GSE1: variants seen among roughly 807,000 people sequenced by gnomAD.
The protein encoded by GSE1 is Gse1 coiled-coil protein.
A neutral mutation model predicts 112.6 loss-of-function variants in GSE1; 32 were observed. The ratio of observed to expected loss-of-function variants is 0.28; its 90% CI spans 0.21 to 0.38. GSE1 has a LOEUF of 0.38. Ranked by LOEUF, GSE1 falls within the 10% of genes least tolerant of loss-of-function variation. The pLI is 1.00. For missense variants in GSE1, 2,348 were observed against 1,699.2 expected (o/e 1.38, Z -6.71); for synonymous variants, 1,115 against 735.6 (o/e 1.52, Z -8.35).
intron 1 of GSE1, among the ~76,000 whole-genome samples, chr16:85,586,320 C>T (rs1255679617): frequency 6.6e-6 from 1 of 152,252 alleles, no homozygotes; most frequent in Admixed American, 6.5e-5. Context: ...TAGCCCATGA[C>T]ATAGGTGTTG....
chr16:85,360,709 C>T (rs2047051163), intron 2 of GSE1, among the ~76,000 whole-genome samples: 1 of 152,058 alleles, frequency 6.6e-6, no homozygotes, highest in African/African-American at 2.4e-5. Flanking sequence ...CACGCAAACA[C>T]ACAGACGAAA....
At chr16:85,480,957 C>A (rs1238563282) in intron 2 of GSE1, among the ~76,000 whole-genome samples, 1 of 152,210 alleles carries the variant, frequency 6.6e-6, no homozygotes, top group Non-Finnish European at 1.5e-5. Context: ...AACCGCAGGT[C>A]TTCCACCCCC....
intron 1 of GSE1, among the ~76,000 whole-genome samples, chr16:85,585,739 C>T (rs567612675): frequency 6.6e-6 from 1 of 152,200 alleles, no homozygotes; most frequent in Non-Finnish European, 1.5e-5. Flanking sequence ...ATAGAGCTGA[C>T]GGCGATGACA....
At chr16:85,315,412 C>T (rs2045965737) in intron 1 of GSE1, among the ~76,000 whole-genome samples, 1 of 152,128 alleles carries the variant, frequency 6.6e-6, no homozygotes, top group Non-Finnish European at 1.5e-5. Flanking sequence ...GGATGGTGAT[C>T]CTGCAGAGCC....
At chr16:85,421,020 T>C (rs2048831004) in intron 2 of GSE1, among the ~76,000 whole-genome samples, 1 of 152,206 alleles carries the variant, frequency 6.6e-6, no homozygotes, top group South Asian at 2.1e-4. Context: ...TGGCCCCCTC[T>C]GTAAAATGGG....
intron 1 of GSE1, among the ~76,000 whole-genome samples, chr16:85,273,453 C>T (rs1909049948): frequency 6.6e-6 from 1 of 152,196 alleles, no homozygotes; most frequent in South Asian, 2.1e-4. Flanking sequence ...CCTCTCCATG[C>T]CGTGGAATAT....
At chr16:85,401,585 G>A (rs2048116932) in intron 2 of GSE1, among the ~76,000 whole-genome samples, 1 of 152,194 alleles carries the variant, frequency 6.6e-6, no homozygotes, top group Admixed American at 6.5e-5. Context: ...CTACCTGTGG[G>A]GCGGCCCATC....
chr16:85,203,123 C>T (rs1008314149), intron 1 of GSE1, among the ~76,000 whole-genome samples: 2 of 152,092 alleles, frequency 1.3e-5, no homozygotes, highest in African/African-American at 4.8e-5. Flanking sequence ...TGGGTCCTCT[C>T]CTGTGGGGGT....
At chr16:85,429,028 A>G (rs1433353143) in intron 2 of GSE1, among the ~76,000 whole-genome samples, 1 of 152,190 alleles carries the variant, frequency 6.6e-6, no homozygotes, top group Non-Finnish European at 1.5e-5. Context: ...ACGCACACAT[A>G]CAACACGTGC....
intron 1 of GSE1, among the ~76,000 whole-genome samples, chr16:85,182,798 A>G (rs2074617420): frequency 6.6e-6 from 1 of 152,006 alleles, no homozygotes; most frequent in African/African-American, 2.4e-5. Context: ...GCTGCATGAG[A>G]TGGGAGTGAA....
At chr16:85,519,170 A>T (rs916087706) in intron 2 of GSE1, among the ~76,000 whole-genome samples, 1 of 147,374 alleles carries the variant, frequency 6.8e-6, no homozygotes, top group Non-Finnish European at 1.5e-5. Flanking sequence ...GGTTCTAGGT[A>T]TTTGTAAACG....
chr16:85,476,887 A>G (rs376335865), intron 2 of GSE1, among the ~76,000 whole-genome samples: 152 of 149,576 alleles, frequency 1.0e-3, no homozygotes, highest in Non-Finnish European at 1.7e-3. Flanking sequence ...TGTCGAGGCT[A>G]CAGGTGTGAG....
At position 85,673,685 on chromosome 16, in the gene GSE1, TGCCTGCCCCC is replaced by T. The variant is rs1051100881; in HGVS notation, c.*1147_*1156del. On this transcript the variant is annotated 3_prime_UTR_variant, in exon 16 of 16. Coordinates refer to ENST00000253458, the MANE Select transcript of GSE1 (RefSeq NM_014615.5). Reference sequence around the variant, plus strand: ...TACTGCTTACCTCCTCCACTCCCCCTGCCTGCCCCCAGCATCTGGACAAGCTAATAGCAAA... The same window carrying T: ...TACTGCTTACCTCCTCCACTCCCCCTAGCATCTGGACAAGCTAATAGCAAA... The T allele has an allele frequency of 1.3e-5, 2 of 152,278 alleles. No individual in the cohort carries two copies. Among genetic ancestry groups the T allele is most frequent in the African/African-American group, 4.8e-5 (2 of 41,460 alleles). The allele number at this position is 152,278 out of a possible 1,614,324, so 9.4% of individuals were successfully genotyped here.
intron 2 of GSE1, among the ~76,000 whole-genome samples, chr16:85,429,412 C>T (rs907392963): frequency 1.3e-5 from 2 of 152,194 alleles, no homozygotes; most frequent in African/African-American, 4.8e-5. Flanking sequence ...CCCTGGAAGC[C>T]GAGTGCAGAG....
At chr16:85,539,880 G>C (rs959991152) in intron 2 of GSE1, among the ~76,000 whole-genome samples, 1 of 152,222 alleles carries the variant, frequency 6.6e-6, no homozygotes, top group African/African-American at 2.4e-5. Context: ...TAGGGGTCAT[G>C]GCAGGGAACA....
chr16:85,470,518 G>A (rs2050259168), intron 2 of GSE1, among the ~76,000 whole-genome samples: 1 of 152,206 alleles, frequency 6.6e-6, no homozygotes, highest in South Asian at 2.1e-4. Context: ...GGCTTCTTGG[G>A]TGCCCCTTGT....
At chr16:85,516,686 G>A (rs1462965637) in intron 2 of GSE1, among the ~76,000 whole-genome samples, 2 of 151,736 alleles carry the variant, frequency 1.3e-5, no homozygotes, top group African/African-American at 4.8e-5. Context: ...TCTTTCTAAG[G>A]CCCCCCTGCC....
At chr16:85,305,525 G>C (rs888158702) in intron 1 of GSE1, among the ~76,000 whole-genome samples, 1 of 152,042 alleles carries the variant, frequency 6.6e-6, no homozygotes, top group African/African-American at 2.4e-5. Context: ...CTGTCACCCA[G>C]GCTGGAGTGC....
intron 1 of GSE1, among the ~76,000 whole-genome samples, chr16:85,614,954 A>G (rs569395780): frequency 1.3e-5 from 2 of 152,314 alleles, no homozygotes; most frequent in Admixed American, 6.5e-5. Context: ...ACAAAGGGGC[A>G]GAGAGAAGGT....
Sources: allele counts gnomAD v4.1 joint callset (sites outside exome capture counted in the v4.1 genomes callset), GRCh38; gene constraint gnomAD v4.1.1; transcripts MANE v1.5; gene names NCBI Gene and HGNC (gene_info 2026-07-23, HGNC 2026-07-21).